The following PLXNA2 variants were observed in gnomAD, a reference collection of about 807,000 sequenced individuals.
The protein encoded by PLXNA2 is plexin A2.
PLXNA2 carries 91 observed loss-of-function variants against 193.5 expected under a neutral mutation model. The observed-to-expected ratio is 0.47, with a 90% CI of 0.40 to 0.56. PLXNA2 has a LOEUF of 0.56. Ranked by LOEUF, PLXNA2 falls within the 20% of genes least tolerant of loss-of-function variation. The pLI is 0.00. For synonymous variants in PLXNA2, 997 were observed against 1,027.3 expected (o/e 0.97, Z 0.56); for missense variants, 1,995 against 2,503.2 (o/e 0.80, Z 4.33).
intron 3 of PLXNA2, among the ~76,000 whole-genome samples, chr1:208,199,452 G>T (rs530175486): frequency 2.7e-4 from 41 of 152,278 alleles, no homozygotes; most frequent in African/African-American, 8.9e-4. Context: ...CAGCACTTTG[G>T]GGGGCCAAGG....
In PLXNA2 at chr1:208,217,470, T is replaced by C. The variant is rs779563794; in HGVS notation, c.453A>G (p.Pro151=). Residue 151 remains proline (P), a synonymous_variant, in exon 2 of 32, where the codon CCA becomes CCG. Coordinates refer to ENST00000367033, the MANE Select transcript of PLXNA2 (RefSeq NM_025179.4). This position sits in a 1 kb window ranked among gnomAD's most constrained non-coding sequence, Gnocchi z 4.7. ...RLDDLFILVE[P]SHKKEHYLSS... is the part of the protein sequence containing the mutation. ...ACAGGTAGTGCTCCTTCTTGTGGGATGGCTCCACCAGGATGAAGAGGTCAT... is the reference window on the plus strand; with the variant it reads ...ACAGGTAGTGCTCCTTCTTGTGGGACGGCTCCACCAGGATGAAGAGGTCAT... 2 of 1,614,064 alleles carry C rather than the reference T, an allele frequency of 1.2e-6. No homozygotes were observed. The highest frequency in any genetic ancestry group is 1.7e-6 in the Non-Finnish European group (2 of 1,180,048).
intron 26 of PLXNA2, 33 bp from the exon 27 acceptor site, chr1:208,034,625 G>A: frequency 1.5e-6 from 2 of 1,324,238 alleles, no homozygotes; most frequent in South Asian, 1.2e-5. Flanking sequence ...AGTACAAAAG[G>A]TGAATGTAGG....
At chr1:208,197,092 G>A (rs1030089500) in intron 3 of PLXNA2, among the ~76,000 whole-genome samples, 2 of 152,262 alleles carry the variant, frequency 1.3e-5, no homozygotes, top group Non-Finnish European at 2.9e-5. Context: ...CCAAGGTCAC[G>A]TACTTAGTAA....
At position 208,038,784 on chromosome 1, in the gene PLXNA2, T is replaced by A. The variant is rs151009737; in HGVS notation, c.4660+41A>T. 4 of 1,596,762 alleles carry A rather than the reference T, an allele frequency of 2.5e-6. No individual in the cohort carries two copies. The Admixed American group carries it at 6.7e-5, about 27-fold the overall frequency. ...GCATGGCAGCTTCCCTTCCTTCACC[T>A]CTCAACCCCTGCCCTCACACTCTGA... On this transcript the variant is annotated intron_variant, in intron 25 of 31. Transcript: ENST00000367033. The surrounding 1 kb of genome is among the most constrained non-coding windows in gnomAD (Gnocchi z 4.1).
At chr1:208,030,083 C>T in intron 29 of PLXNA2, 1 of 985,518 alleles carries the variant, frequency 1.0e-6, no homozygotes. Flanking sequence ...CTGCTTTACC[C>T]AGCCTCAAGC....
At chr1:208,113,103 G>C (rs1445963053) in intron 4 of PLXNA2, among the ~76,000 whole-genome samples, 1 of 151,868 alleles carries the variant, frequency 6.6e-6, no homozygotes, top group African/African-American at 2.4e-5. Flanking sequence ...ATAGGAAATG[G>C]GGGATGAGGA....
intron 1 of PLXNA2, among the ~76,000 whole-genome samples, chr1:208,237,235 G>C (rs1417985958): frequency 2.0e-5 from 3 of 152,202 alleles, no homozygotes; most frequent in African/African-American, 4.8e-5. Flanking sequence ...ACATGGCAGA[G>C]GCAGCCCGAG....
At chr1:208,046,561 AGTGT>A (rs146562998) in intron 17 of PLXNA2, among the ~76,000 whole-genome samples, 10 of 149,092 alleles carry the variant, frequency 6.7e-5, no homozygotes, top group Admixed American at 3.3e-4. Context: ...TGTGTGCATG[AGTGT>A]GTGTGTGTGT....
intron 4 of PLXNA2, among the ~76,000 whole-genome samples, chr1:208,128,036 G>C (rs1455218298): frequency 1.3e-5 from 2 of 152,166 alleles, no homozygotes; most frequent in Admixed American, 1.3e-4. Flanking sequence ...GGCTGATGGA[G>C]GGCTGGGAGA....
intron 3 of PLXNA2, among the ~76,000 whole-genome samples, chr1:208,158,380 C>T (rs957832499): frequency 6.6e-6 from 1 of 152,170 alleles, no homozygotes. Flanking sequence ...TCTGTCTCCT[C>T]TCTCATACAT....
chr1:208,199,193 G>T (rs979070582), intron 3 of PLXNA2, among the ~76,000 whole-genome samples: 1 of 152,178 alleles, frequency 6.6e-6, no homozygotes, highest in African/African-American at 2.4e-5. Flanking sequence ...TGCTGGGCAG[G>T]TTCTGGTAAG....
At chr1:208,166,266 T>A (rs1011934878) in intron 3 of PLXNA2, among the ~76,000 whole-genome samples, 2 of 152,234 alleles carry the variant, frequency 1.3e-5, no homozygotes, top group Non-Finnish European at 2.9e-5. Flanking sequence ...GAGAGATTTC[T>A]GGCTTAGGTG....
At position 208,210,438 on chromosome 1, in the gene PLXNA2, A is replaced by G; in HGVS notation, c.1213T>C (p.Cys405Arg). Residue 405 changes from cysteine (C) to arginine (R), a missense_variant, in exon 3 of 32, where the codon TGT (cysteine) becomes CGT (arginine). This residue lies in a region of PLXNA2 where 702 missense variants were observed against 812.9 expected (regional missense o/e 0.86). Transcript: ENST00000367033. ...AGGGGCTGGTTGATGTCCAGTCCAC[A>G]GAAGTTATCATCGATGGGGACAGGC... Reference protein sequence around the residue: ...KAPVPIDDNFCGLDINQPLGG... With the variant: ...KAPVPIDDNFRGLDINQPLGG... 1 of 1,613,388 alleles carries G rather than the reference A, an allele frequency of 6.2e-7. No homozygotes were observed. Among genetic ancestry groups the G allele is most frequent in the South Asian group, 1.1e-5 (1 of 90,988 alleles).
At position 208,022,363 on chromosome 1, in the gene PLXNA2, ATATAT is replaced by A. The variant is rs1664208118; in HGVS notation, c.*4875_*4879del. ...TCATATTTACAATAGGTACACAATA[ATATAT>A]TAGAATAACAAAAAACCCCACTTTA... is the stretch of plus-strand genomic sequence containing the variant. On this transcript the variant is annotated 3_prime_UTR_variant, in exon 32 of 32. Coordinates refer to ENST00000367033, the MANE Select transcript of PLXNA2 (RefSeq NM_025179.4). The A allele has an allele frequency of 2.0e-5, 3 of 152,616 alleles. No homozygotes were observed. The allele number at this position is 152,616 out of a possible 1,614,324, so 9.5% of individuals were successfully genotyped here. A position where few individuals can be genotyped will look rare whatever the true frequency, so the allele number is the denominator to read the frequency against.
chr1:208,085,285 C>T (rs1666481139), intron 9 of PLXNA2, among the ~76,000 whole-genome samples: 1 of 152,166 alleles, frequency 6.6e-6, no homozygotes, highest in Non-Finnish European at 1.5e-5. Context: ...AAAGGGCCAC[C>T]CCACTGTGCC....
At chr1:208,232,038 T>C (rs1318610309) in intron 1 of PLXNA2, among the ~76,000 whole-genome samples, 1 of 152,168 alleles carries the variant, frequency 6.6e-6, no homozygotes, top group African/African-American at 2.4e-5. Flanking sequence ...GCCCTGTGAA[T>C]GTTTAGAGGA....
chr1:208,223,829 T>A (rs1342400741), intron 1 of PLXNA2, among the ~76,000 whole-genome samples: 3 of 152,196 alleles, frequency 2.0e-5, no homozygotes, highest in Admixed American at 6.5e-5. Context: ...CTGCAGAGCA[T>A]CCTGCCAAGG....
intron 4 of PLXNA2, among the ~76,000 whole-genome samples, chr1:208,130,047 C>T (rs919600573): frequency 2.0e-5 from 3 of 152,222 alleles, no homozygotes; most frequent in Non-Finnish European, 4.4e-5. Flanking sequence ...GCCTTCTCAT[C>T]ACCTGGTGGG....
chr1:208,177,155 A>G (rs954302435), intron 3 of PLXNA2, among the ~76,000 whole-genome samples: 1 of 152,180 alleles, frequency 6.6e-6, no homozygotes, highest in Admixed American at 6.5e-5. Context: ...TGATGTTCCA[A>G]TTGTTCATAC....
Sources: gnomAD v4.1 joint callset for allele counts (sites outside exome capture counted in the v4.1 genomes callset) on GRCh38, gnomAD v4.1.1 for gene constraint, gnomAD v4.1.1 regional missense constraint, Gnocchi (gnomAD v3.1) non-coding constraint, MANE v1.5 for transcripts, NCBI Gene and HGNC (gene_info 2026-07-23, HGNC 2026-07-21) for gene names.